DOCK8: variants seen among roughly 807,000 people sequenced by gnomAD.
DOCK8 encodes the protein dedicator of cytokinesis 8, also known as dedicator of cytokinesis protein 8.
In DOCK8, 141 loss-of-function variants were observed where a neutral mutation model predicts 245.6. The observed-to-expected ratio is 0.57, with a 90% confidence interval of 0.50 to 0.66. DOCK8 has a LOEUF of 0.66. DOCK8 is among the 30% of genes least tolerant of loss of function. The probability of loss-of-function intolerance (pLI) is 0.00; values close to 1 mark genes in which losing one functional copy is unlikely to be tolerated. For synonymous variants in DOCK8, 1,168 were observed against 970.2 expected (o/e 1.20, Z -3.79); for missense variants, 2,965 against 2,603.4 (o/e 1.14, Z -3.02).
Position 427,980 on chromosome 9 carries a change from C to T in DOCK8, c.4339-382C>T, listed in dbSNP as rs146721710. 5.0e-3 allele frequency among the ~76,000 whole-genome samples: 759 copies of T among 152,276 alleles called. 5 individuals carry two copies. The highest frequency in any genetic ancestry group is 0.03 in the South Asian group (146 of 4,822). ...TGATAAACAAGCTTCTATTTAGAAACATTGCTGCCACCAAGCAGCCCCTGT... is the reference window on the plus strand; with the variant it reads ...TGATAAACAAGCTTCTATTTAGAAATATTGCTGCCACCAAGCAGCCCCTGT... On this transcript the variant is annotated intron_variant, in intron 34 of 47. Coordinates refer to ENST00000432829, the MANE Select transcript of DOCK8 (RefSeq NM_203447.4).
chr9:222,754 G>A (rs1366386258), intron 1 of DOCK8, among the ~76,000 whole-genome samples: 1 of 152,156 alleles, frequency 6.6e-6, no homozygotes, highest in African/African-American at 2.4e-5. Flanking sequence ...TCCTTTAATA[G>A]GTGGATTAAT....
In DOCK8 at chr9:446,683, C is replaced by A. The variant is rs535452629; in HGVS notation, c.5817+77C>A. ...CCCAGGAGGACCCACAAACCTCTTT[C>A]ACAGTGGATTGGACTGAAAACAAGG... is the stretch of plus-strand genomic sequence containing the variant. On this transcript the variant is annotated intron_variant, in intron 44 of 47. Transcript: ENST00000432829. 2.3e-6 allele frequency: 3 copies of A among 1,285,090 alleles called. No homozygotes were observed. The East Asian group carries it at 7.2e-5, about 31-fold the overall frequency. The allele number at this position is 1,285,090 out of a possible 1,614,324, so 79.6% of individuals were successfully genotyped here. A position where few individuals can be genotyped will look rare whatever the true frequency, so the allele number is the denominator to read the frequency against.
At chr9:298,892 AGTCCT>A (rs2049398013) in intron 4 of DOCK8, among the ~76,000 whole-genome samples, 1 of 150,002 alleles carries the variant, frequency 6.7e-6, no homozygotes, top group African/African-American at 2.5e-5. Context: ...AAAATGTACA[AGTCCT>A]TAAAAAAAAA....
In DOCK8 at chr9:271,780, C is replaced by G. The variant is rs547239022; in HGVS notation, c.156+51C>G. On this transcript the variant is annotated intron_variant, in intron 2 of 47. Coordinates refer to ENST00000432829, the MANE Select transcript of DOCK8 (RefSeq NM_203447.4). Reference sequence around the variant, plus strand: ...AGCGATTGGTCAAGTGCAAAAGTGCCCAGGGTATGTGTTTGCCTCCTGTTC... The same window carrying G: ...AGCGATTGGTCAAGTGCAAAAGTGCGCAGGGTATGTGTTTGCCTCCTGTTC... 3.8e-6 allele frequency: 5 copies of G among 1,326,152 alleles called. No individual in the cohort carries two copies. The highest frequency in any genetic ancestry group is 5.0e-5 in the East Asian group (2 of 39,762). The allele number at this position is 1,326,152 out of a possible 1,614,324, so 82.1% of individuals were successfully genotyped here.
chr9:315,283 CAA>C (rs567241287), intron 6 of DOCK8, among the ~76,000 whole-genome samples: 223 of 152,258 alleles, frequency 1.5e-3, no homozygotes, highest in African/African-American at 3.8e-3. Context: ...ATGATGAAAA[CAA>C]GAGGTATCCA....
At chr9:291,105 A>G (rs1216560464) in intron 4 of DOCK8, among the ~76,000 whole-genome samples, 3 of 152,252 alleles carry the variant, frequency 2.0e-5, no homozygotes, top group African/African-American at 4.8e-5. Context: ...TTTAAATGCT[A>G]TCATTAGAGG....
intron 14 of DOCK8, among the ~76,000 whole-genome samples, chr9:356,836 C>A (rs1586786528): frequency 9.7e-6 from 1 of 102,882 alleles, no homozygotes; most frequent in East Asian, 5.0e-4. Context: ...ACATGGGCAT[C>A]TTACTTGAAA....
chr9:365,265 G>A (rs915088171), intron 14 of DOCK8, among the ~76,000 whole-genome samples: 2 of 152,228 alleles, frequency 1.3e-5, no homozygotes, highest in Non-Finnish European at 2.9e-5. Flanking sequence ...AGGGGTCCAG[G>A]TGAGAATGAG....
At chr9:403,892 C>CTA (rs768500884) in intron 26 of DOCK8, among the ~76,000 whole-genome samples, 1,192 of 73,582 alleles carry the variant, frequency 0.016, 17 homozygotes, top group Non-Finnish European at 0.017. Flanking sequence ...CTCTCTCTCT[C>CTA]TATATATATA....
At chr9:461,004 G>C (rs2057785956) in intron 46 of DOCK8, among the ~76,000 whole-genome samples, 1 of 152,148 alleles carries the variant, frequency 6.6e-6, no homozygotes, top group African/African-American at 2.4e-5. Context: ...GTCCCTTTAA[G>C]GTTTATTGAT....
chr9:277,199 G>A, intron 2 of DOCK8: 1 of 155,288 alleles, frequency 6.4e-6, no homozygotes, highest in Non-Finnish European at 1.4e-5. Flanking sequence ...CAGGAGGATA[G>A]CTTGAAGCCA....
At chr9:459,263 T>G (rs921696559) in intron 46 of DOCK8, among the ~76,000 whole-genome samples, 19 of 152,230 alleles carry the variant, frequency 1.2e-4, no homozygotes, top group African/African-American at 4.6e-4. Context: ...AGAAATTATT[T>G]CAATTTTAAT....
intron 2 of DOCK8, chr9:284,380 C>G (rs1297375648): frequency 6.6e-6 from 1 of 152,150 alleles, no homozygotes; most frequent in Non-Finnish European, 1.5e-5. Flanking sequence ...TTCAGAGGGA[C>G]CCTTGTAAGG....
chr9:312,848 C>T (rs2050186334), intron 6 of DOCK8: 2 of 182,100 alleles, frequency 1.1e-5, no homozygotes, highest in Non-Finnish European at 2.3e-5. Context: ...TCAGTTTTCC[C>T]CTCTGCGTGA....
chr9:437,207 C>T (rs1172024034), intron 39 of DOCK8, among the ~76,000 whole-genome samples: 1 of 152,170 alleles, frequency 6.6e-6, no homozygotes, highest in Non-Finnish European at 1.5e-5. Flanking sequence ...TGGAGTAGCA[C>T]CTGCCATACT....
intron 4 of DOCK8, among the ~76,000 whole-genome samples, chr9:295,985 C>A (rs953613560): frequency 6.6e-6 from 1 of 152,164 alleles, no homozygotes; most frequent in Non-Finnish European, 1.5e-5. Flanking sequence ...ATGTAAAATA[C>A]ATGATCTCCA....
At chr9:336,492 T>C in intron 11 of DOCK8, 90 bp from the exon 12 acceptor site, 2 of 1,557,168 alleles carry the variant, frequency 1.3e-6, no homozygotes, top group Non-Finnish European at 1.8e-6. Context: ...TCCTGATCAG[T>C]GACTTTAATC....
intron 18 of DOCK8, among the ~76,000 whole-genome samples, chr9:374,762 G>A (rs555099604): frequency 7.3e-5 from 11 of 151,314 alleles, no homozygotes; most frequent in Non-Finnish European, 1.3e-4. Context: ...CACCATGCCC[G>A]GCCCCTTTTT....
intron 1 of DOCK8, among the ~76,000 whole-genome samples, chr9:226,809 C>G (rs1225545183): frequency 6.6e-6 from 1 of 152,116 alleles, no homozygotes; most frequent in Non-Finnish European, 1.5e-5. Context: ...ATTTAGGAAT[C>G]TGAAACTCAG....
Sources: allele counts gnomAD v4.1 joint callset (sites outside exome capture counted in the v4.1 genomes callset), GRCh38; gene constraint gnomAD v4.1.1; transcripts MANE v1.5; gene names NCBI Gene and HGNC (gene_info 2026-07-23, HGNC 2026-07-21).